SYT1: variants seen among roughly 807,000 people sequenced by gnomAD.
The protein encoded by SYT1 is synaptotagmin-1.
A neutral mutation model predicts 44.8 loss-of-function variants in SYT1; 8 were observed. The ratio of observed to expected loss-of-function variants is 0.18; its 90% confidence interval spans 0.10 to 0.32. SYT1 has a LOEUF of 0.32. Ranked by LOEUF, SYT1 falls within the 10% of genes least tolerant of loss-of-function variation. The probability of loss-of-function intolerance (pLI) is 1.00; values close to 1 mark genes in which losing one functional copy is unlikely to be tolerated. For synonymous variants in SYT1, 154 were observed against 188.8 expected (o/e 0.82, Z 1.51); for missense variants, 286 against 509.3 (o/e 0.56, Z 4.22).
At chr12:79,022,270 T>A (rs1872241918) in intron 2 of SYT1, among the ~76,000 whole-genome samples, 1 of 151,842 alleles carries the variant, frequency 6.6e-6, no homozygotes, top group South Asian at 2.1e-4. Flanking sequence ...ACTGAGGCTT[T>A]AAAACTGCTT....
intron 1 of SYT1, among the ~76,000 whole-genome samples, chr12:78,924,901 G>A (rs779926365): frequency 6.6e-6 from 1 of 151,664 alleles, no homozygotes; most frequent in Non-Finnish European, 1.5e-5. Context: ...TAGAAGCCTA[G>A]ATCATGGGCT....
intron 1 of SYT1, among the ~76,000 whole-genome samples, chr12:78,891,898 C>A (rs1268436538): frequency 6.6e-6 from 1 of 151,890 alleles, no homozygotes; most frequent in East Asian, 1.9e-4. Flanking sequence ...ACAGTGCTAG[C>A]ACTGATAAGC....
intron 10 of SYT1, among the ~76,000 whole-genome samples, chr12:79,447,002 C>G (rs1161427447): frequency 6.6e-6 from 1 of 152,178 alleles, no homozygotes; most frequent in African/African-American, 2.4e-5. Context: ...TCCTTTTCAA[C>G]TACAAACTGC....
intron 3 of SYT1, among the ~76,000 whole-genome samples, chr12:79,057,085 A>T (rs1188180118): frequency 1.3e-5 from 2 of 152,078 alleles, no homozygotes; most frequent in African/African-American, 4.8e-5. Context: ...TTCAGCAGAA[A>T]GTAATTCATA....
intron 3 of SYT1, among the ~76,000 whole-genome samples, chr12:79,208,107 G>A (rs1874232792): frequency 6.6e-6 from 1 of 152,018 alleles, no homozygotes; most frequent in South Asian, 2.1e-4. Flanking sequence ...CCTAATTCCT[G>A]GTCCTATTTG....
intron 4 of SYT1, among the ~76,000 whole-genome samples, chr12:79,244,640 G>A (rs979758699): frequency 6.6e-6 from 1 of 151,430 alleles, no homozygotes; most frequent in Non-Finnish European, 1.5e-5. Flanking sequence ...GGAGGCAGAG[G>A]TTGCAGTGAG....
chr12:79,032,234 T>C (rs1872872596), intron 2 of SYT1, among the ~76,000 whole-genome samples: 1 of 151,186 alleles, frequency 6.6e-6, no homozygotes, highest in Non-Finnish European at 1.5e-5. Context: ...TACCAGGCAA[T>C]GTGCTAGGTA....
At chr12:79,183,752 T>C (rs1161184435) in intron 3 of SYT1, among the ~76,000 whole-genome samples, 3 of 152,092 alleles carry the variant, frequency 2.0e-5, no homozygotes, top group Non-Finnish European at 4.4e-5. Context: ...GTACCTTCTA[T>C]TTGTTTTTCA....
At chr12:78,906,452 A>G (rs757076364) in intron 1 of SYT1, among the ~76,000 whole-genome samples, 1 of 152,150 alleles carries the variant, frequency 6.6e-6, no homozygotes, top group Non-Finnish European at 1.5e-5. Context: ...TTATGGGATA[A>G]TAGAGAGAAG....
chr12:79,065,835 T>A (rs896032566), intron 3 of SYT1, among the ~76,000 whole-genome samples: 38 of 152,166 alleles, frequency 2.5e-4, no homozygotes, highest in Non-Finnish European at 4.7e-4. Flanking sequence ...GAAGTTTTCC[T>A]TCTTTTCACT....
intron 3 of SYT1, among the ~76,000 whole-genome samples, chr12:79,105,772 C>T (rs1480224832): frequency 4.6e-5 from 7 of 151,712 alleles, no homozygotes; most frequent in East Asian, 2.0e-4. Context: ...CCCAGCTACT[C>T]GGGAGGCTGA....
At chr12:79,396,163 A>C (rs943843173) in intron 9 of SYT1, among the ~76,000 whole-genome samples, 5 of 152,180 alleles carry the variant, frequency 3.3e-5, no homozygotes, top group African/African-American at 7.2e-5. Context: ...AGAGTATGCT[A>C]ATGGAGTTCC....
intron 9 of SYT1, among the ~76,000 whole-genome samples, chr12:79,367,736 C>T (rs1305956095): frequency 2.6e-5 from 4 of 151,840 alleles, no homozygotes; most frequent in African/African-American, 4.8e-5. Flanking sequence ...CTCCTTAAAT[C>T]AGATGAATTG....
chr12:79,180,568 G>A (rs1872470503), intron 3 of SYT1, among the ~76,000 whole-genome samples: 1 of 151,960 alleles, frequency 6.6e-6, no homozygotes, highest in African/African-American at 2.4e-5. Context: ...AGCTTCTGAG[G>A]AGGCCTCAGG....
intron 1 of SYT1, among the ~76,000 whole-genome samples, chr12:78,953,461 A>G (rs1384993408): frequency 6.6e-6 from 1 of 152,044 alleles, no homozygotes; most frequent in Non-Finnish European, 1.5e-5. Context: ...TCCGAAGTGC[A>G]TTTATGTATA....
chr12:79,291,118 C>T (rs1879560336), intron 5 of SYT1, among the ~76,000 whole-genome samples: 1 of 152,110 alleles, frequency 6.6e-6, no homozygotes, highest in Admixed American at 6.5e-5. Context: ...AAAAGAAGAG[C>T]ATTTGAATGA....
At chr12:78,932,806 T>C (rs1877828232) in intron 1 of SYT1, among the ~76,000 whole-genome samples, 2 of 152,302 alleles carry the variant, frequency 1.3e-5, no homozygotes, top group African/African-American at 4.8e-5. Context: ...TTCACTTGGA[T>C]AAGAGGGAGT....
intron 3 of SYT1, among the ~76,000 whole-genome samples, chr12:79,145,696 C>T (rs1214016974): frequency 6.6e-6 from 1 of 151,922 alleles, no homozygotes; most frequent in East Asian, 1.9e-4. Flanking sequence ...TTTTTCAAAC[C>T]CAAATAGTTG....
At chr12:79,067,912 T>G (rs1254411711) in intron 3 of SYT1, among the ~76,000 whole-genome samples, 1 of 152,226 alleles carries the variant, frequency 6.6e-6, no homozygotes, top group African/African-American at 2.4e-5. Flanking sequence ...AACATATATG[T>G]GCTGCTGCGT....
Sources: gnomAD v4.1 joint callset for allele counts (sites outside exome capture counted in the v4.1 genomes callset) on GRCh38, gnomAD v4.1.1 for gene constraint, MANE v1.5 for transcripts, NCBI Gene and HGNC (gene_info 2026-07-23, HGNC 2026-07-21) for gene names.